MASP1: variants seen among roughly 807,000 people sequenced by gnomAD.
MASP1 encodes the protein MBL associated serine protease 1, also known as mannan-binding lectin serine protease 1.
Under a neutral mutation model 77.1 loss-of-function variants are expected in MASP1, and 59 were observed. That is an observed-to-expected ratio of 0.77 (90% CI 0.62 to 0.95). The LOEUF is 0.95. Ranked by LOEUF, MASP1 falls within the 40% of genes least tolerant of loss-of-function variation. MASP1 has a pLI of 0.00. For synonymous variants in MASP1, 362 were observed against 354.5 expected, an observed-to-expected ratio of 1.02 and a Z score of -0.24; for missense variants, 885 against 912.9, an observed-to-expected ratio of 0.97 and a Z score of 0.39.
chr3:187,286,896 A>T (rs958160582), intron 1 of MASP1, among the ~76,000 whole-genome samples: 2 of 152,238 alleles, frequency 1.3e-5, no homozygotes, highest in East Asian at 3.9e-4. Flanking sequence ...ATTTCTGTTC[A>T]TGGTACTACC....
intron 2 of MASP1, among the ~76,000 whole-genome samples, chr3:187,269,216 A>G (rs1716317809): frequency 1.3e-5 from 2 of 152,198 alleles, no homozygotes; most frequent in African/African-American, 4.8e-5. Context: ...GCACCTAAGA[A>G]TCTTAAGAGC....
At chr3:187,261,904 A>G (rs1052350651) in intron 3 of MASP1, among the ~76,000 whole-genome samples, 2 of 152,226 alleles carry the variant, frequency 1.3e-5, no homozygotes, top group African/African-American at 4.8e-5. Context: ...AAAGGAGCAA[A>G]TTACTGATGC....
intron 11 of MASP1, among the ~76,000 whole-genome samples, chr3:187,228,167 G>A (rs1424121805): frequency 6.6e-6 from 1 of 151,852 alleles, no homozygotes; most frequent in African/African-American, 2.4e-5. Context: ...TTCAAGGTTT[G>A]TCCTAGCTAC....
chr3:187,220,870 G>A (rs1040997440), intron 15 of MASP1, among the ~76,000 whole-genome samples: 2 of 152,084 alleles, frequency 1.3e-5, no homozygotes, highest in African/African-American at 2.4e-5. Flanking sequence ...TCTTTTCTCC[G>A]ATGCATCTTC....
intron 6 of MASP1, among the ~76,000 whole-genome samples, chr3:187,252,737 A>T (rs988247137): frequency 9.2e-5 from 14 of 152,054 alleles, no homozygotes; most frequent in African/African-American, 3.1e-4. Flanking sequence ...GGCTTTGCTG[A>T]TGGGGGGCCC....
intron 12 of MASP1, chr3:187,225,610 C>T: frequency 8.3e-7 from 1 of 1,205,640 alleles, no homozygotes; most frequent in Admixed American, 1.7e-5. Flanking sequence ...GCCCTTGCTT[C>T]CAGCCTTAGC....
At chr3:187,286,648 G>A (rs928235951) in intron 1 of MASP1, among the ~76,000 whole-genome samples, 3 of 152,188 alleles carry the variant, frequency 2.0e-5, no homozygotes, top group Admixed American at 6.5e-5. Flanking sequence ...GACTAATAAA[G>A]AGTTGCAAAA....
chr3:187,272,629 G>T (rs1282804508), intron 2 of MASP1, among the ~76,000 whole-genome samples: 1 of 152,108 alleles, frequency 6.6e-6, no homozygotes, highest in Non-Finnish European at 1.5e-5. Context: ...GACAGAGGCA[G>T]AGATTAGAGT....
At chr3:187,226,544 A>C in intron 11 of MASP1, 6 of 1,520,540 alleles carry the variant, frequency 3.9e-6, no homozygotes, top group Admixed American at 1.8e-5. Context: ...CACACGTCTC[A>C]TCGTCCTGCA....
intron 8 of MASP1, chr3:187,244,436 C>T (rs1463342146): frequency 2.6e-5 from 4 of 152,274 alleles, no homozygotes; most frequent in African/African-American, 9.7e-5. Context: ...ATGGCCATAT[C>T]AGAGGCTCTG....
intron 2 of MASP1, among the ~76,000 whole-genome samples, chr3:187,274,675 T>A (rs1404396073): frequency 1.3e-5 from 2 of 152,152 alleles, no homozygotes. Context: ...AGTGAGCCCC[T>A]AAGCAGGTAT....
rs547560600 is a variant in MASP1 at position 187,280,535 on chromosome 3, T to A, written c.237+5290A>T. Among the ~76,000 whole-genome samples the A allele has an allele frequency of 4.6e-5, 7 of 152,370 alleles. No individual in the cohort carries two copies. The South Asian group carries it at 1.4e-3, about 32-fold the overall frequency. Reference sequence around the variant, plus strand: ...TATAGCTTCATAGTTTCTTTGTAAGTATAAATGGACCACTTCATCTGGTGC... The same window carrying A: ...TATAGCTTCATAGTTTCTTTGTAAGAATAAATGGACCACTTCATCTGGTGC... On this transcript the variant is annotated intron_variant, in intron 2 of 10. Coordinates refer to ENST00000296280, the MANE Select transcript of MASP1 (RefSeq NM_139125.4).
intron 15 of MASP1, among the ~76,000 whole-genome samples, chr3:187,220,514 G>C (rs966945172): frequency 4.1e-5 from 1 of 24,508 alleles, no homozygotes; most frequent in Non-Finnish European, 8.0e-5. Context: ...TTTTTTTTTT[G>C]AGATGGAGTC....
chr3:187,272,762 C>T (rs1716629786), intron 2 of MASP1, among the ~76,000 whole-genome samples: 1 of 152,162 alleles, frequency 6.6e-6, no homozygotes, highest in African/African-American at 2.4e-5. Flanking sequence ...GTCCTGCAGA[C>T]ACCTTGATTT....
At chr3:187,276,194 A>T (rs1302055090) in intron 2 of MASP1, among the ~76,000 whole-genome samples, 1 of 151,994 alleles carries the variant, frequency 6.6e-6, no homozygotes, top group Non-Finnish European at 1.5e-5. Flanking sequence ...AATGAGCACC[A>T]TATTTAAATC....
intron 6 of MASP1, 51 bp from the exon 7 acceptor site, chr3:187,251,803 C>A: frequency 1.4e-6 from 2 of 1,382,520 alleles, no homozygotes; most frequent in Non-Finnish European, 2.1e-6. Flanking sequence ...GAATTCTGAC[C>A]TTAAAGGGCC....
chr3:187,257,235 C>G (rs891215494), intron 4 of MASP1, among the ~76,000 whole-genome samples: 6 of 152,026 alleles, frequency 3.9e-5, no homozygotes, highest in African/African-American at 1.5e-4. Flanking sequence ...TTCAGGAGAT[C>G]CCTCATCTCC....
At chr3:187,250,850 G>A (rs529997204) in intron 7 of MASP1, among the ~76,000 whole-genome samples, 2 of 152,324 alleles carry the variant, frequency 1.3e-5, no homozygotes, top group African/African-American at 4.8e-5. Context: ...CAAAAAGTCT[G>A]CTTTAACTGA....
chr3:187,274,396 C>T (rs889370929), intron 2 of MASP1, among the ~76,000 whole-genome samples: 2 of 152,124 alleles, frequency 1.3e-5, no homozygotes, highest in African/African-American at 4.8e-5. Context: ...TCCACATAGC[C>T]TACAAGTAGC....
Sources: gnomAD v4.1 joint callset for allele counts (sites outside exome capture counted in the v4.1 genomes callset) on GRCh38, gnomAD v4.1.1 for gene constraint, MANE v1.5 for transcripts, NCBI Gene and HGNC (gene_info 2026-07-23, HGNC 2026-07-21) for gene names.